The following MAPKAP1 variants were observed in gnomAD, a reference collection of about 807,000 sequenced individuals.
The protein encoded by MAPKAP1 is target of rapamycin complex 2 subunit MAPKAP1.
MAPKAP1 carries 20 observed loss-of-function variants against 65.7 expected under a neutral mutation model. The ratio of observed to expected loss-of-function variants is 0.30; its 90% CI spans 0.21 to 0.44. The LOEUF is 0.44. Among genes scored for constraint, MAPKAP1 ranks in the 20% least tolerant of loss-of-function variants. The pLI is 1.00. For missense variants in MAPKAP1, 423 were observed against 648.0 expected (o/e 0.65, Z 3.77); for synonymous variants, 222 against 244.3 (o/e 0.91, Z 0.85).
chr9:125,563,078 G>A (rs2131513178), intron 5 of MAPKAP1, among the ~76,000 whole-genome samples: 1 of 152,362 alleles, frequency 6.6e-6, no homozygotes, highest in Non-Finnish European at 1.5e-5. Flanking sequence ...AATGGAGGCA[G>A]AGAAAAGAGG....
At chr9:125,642,907 T>C (rs1161015386) in intron 4 of MAPKAP1, among the ~76,000 whole-genome samples, 1 of 152,044 alleles carries the variant, frequency 6.6e-6, no homozygotes, top group African/African-American at 2.4e-5. Flanking sequence ...TATATGCCTT[T>C]TTTTTTTCTT....
intron 1 of MAPKAP1, among the ~76,000 whole-genome samples, chr9:125,706,244 G>A (rs772621039): frequency 2.6e-5 from 4 of 151,982 alleles, no homozygotes; most frequent in East Asian, 3.9e-4. Flanking sequence ...GAATGAGAAC[G>A]CTGCTTTTTT....
Position 125,577,404 on chromosome 9 carries a change from G to A in MAPKAP1, c.671+8151C>T, listed in dbSNP as rs577358567. Reference sequence around the variant, plus strand: ...GAGGGAGGTGGGGGGTCAGCCCCCCGCCTGGCCAGCCTCCCCGTCCGGGAG... The same window carrying A: ...GAGGGAGGTGGGGGGTCAGCCCCCCACCTGGCCAGCCTCCCCGTCCGGGAG... On this transcript the variant is annotated intron_variant, in intron 5 of 11. Transcript: ENST00000265960. Among the ~76,000 whole-genome samples, 90 of 143,840 alleles carry A rather than the reference G, an allele frequency of 6.3e-4. 1 individual carries two copies. Among genetic ancestry groups the A allele is most frequent in the African/African-American group, 2.0e-3 (79 of 38,678 alleles). The allele number at this position is 143,840 out of a possible 152,430, so 94.4% of individuals were successfully genotyped here. A position where few individuals can be genotyped will look rare whatever the true frequency, so the allele number is the denominator to read the frequency against.
Position 125,652,177 on chromosome 9 carries a change from CTT to C in MAPKAP1, c.498+5472_498+5473del, listed in dbSNP as rs773362870. ...TGCTTTTCTGCAAAGTTTTAAGTGA[CTT>C]TCTTTGAAGAGAGCTATTTAATGCC... On this transcript the variant is annotated intron_variant, in intron 4 of 11. Coordinates refer to ENST00000265960, the MANE Select transcript of MAPKAP1 (RefSeq NM_001006617.3). 1.7e-5 allele frequency: 22 copies of C among 1,317,260 alleles called. 2 individuals are homozygous for C. In the Admixed American group the frequency reaches 2.7e-4, roughly 16 times the overall value. The allele number at this position is 1,317,260 out of a possible 1,614,324, so 81.6% of individuals were successfully genotyped here. A position where few individuals can be genotyped will look rare whatever the true frequency, so the allele number is the denominator to read the frequency against.
intron 6 of MAPKAP1, among the ~76,000 whole-genome samples, chr9:125,550,257 C>T (rs748558929): frequency 1.8e-4 from 28 of 152,064 alleles, no homozygotes; most frequent in Non-Finnish European, 3.8e-4. Context: ...ATAAACATTC[C>T]AAGTCACTAG....
intron 5 of MAPKAP1, among the ~76,000 whole-genome samples, chr9:125,561,846 T>C (rs1029066224): frequency 1.3e-5 from 2 of 152,248 alleles, no homozygotes; most frequent in African/African-American, 2.4e-5. Flanking sequence ...GAAAGTCATA[T>C]GGAAACTAAC....
intron 10 of MAPKAP1, among the ~76,000 whole-genome samples, chr9:125,449,867 C>G (rs945763737): frequency 6.6e-6 from 1 of 152,116 alleles, no homozygotes; most frequent in Non-Finnish European, 1.5e-5. Flanking sequence ...AAAAGAGGTG[C>G]TCCCAGACTT....
intron 4 of MAPKAP1, among the ~76,000 whole-genome samples, chr9:125,627,457 TAA>T (rs1382632191): frequency 6.6e-6 from 1 of 152,204 alleles, no homozygotes; most frequent in East Asian, 1.9e-4. Flanking sequence ...AGACCCTCTC[TAA>T]TCTTTCCAGT....
intron 2 of MAPKAP1, among the ~76,000 whole-genome samples, 175 bp downstream of exon 2, chr9:125,672,141 T>C (rs1416142042): frequency 6.6e-6 from 1 of 152,304 alleles, no homozygotes; most frequent in Admixed American, 6.5e-5. Flanking sequence ...GCCCTCTCCA[T>C]TCGCAGTCGC....
Position 125,447,265 on chromosome 9 carries a change from C to A in MAPKAP1, c.1346-2667G>T. On this transcript the variant is annotated intron_variant, in intron 10 of 11. Transcript: ENST00000265960. The surrounding 1 kb of genome is among the most constrained non-coding windows in gnomAD (Gnocchi z 4.5). Reference sequence around the variant, plus strand: ...AGGTGAGGAGGAGGAAGAGTCCCAACATTCCCCCACTCTCCCTCAAGCCTC... The same window carrying A: ...AGGTGAGGAGGAGGAAGAGTCCCAAAATTCCCCCACTCTCCCTCAAGCCTC... 1 of 390,236 alleles carries A rather than the reference C, an allele frequency of 2.6e-6. No homozygotes were observed. The highest frequency in any genetic ancestry group is 1.9e-5 in the South Asian group (1 of 53,154). The allele number at this position is 390,236 out of a possible 1,614,324, so 24.2% of individuals were successfully genotyped here.
At chr9:125,691,312 G>C (rs1465777100) in intron 1 of MAPKAP1, among the ~76,000 whole-genome samples, 1 of 151,984 alleles carries the variant, frequency 6.6e-6, no homozygotes, top group Non-Finnish European at 1.5e-5. Flanking sequence ...CGGTGACTGA[G>C]TGAATGTGAA....
At chr9:125,620,313 G>C (rs1159360494) in intron 4 of MAPKAP1, among the ~76,000 whole-genome samples, 2 of 152,108 alleles carry the variant, frequency 1.3e-5, no homozygotes, top group Non-Finnish European at 2.9e-5. Flanking sequence ...AAATTATACA[G>C]ATTCATTTTT....
Position 125,657,760 on chromosome 9 carries a change from T to C in MAPKAP1, c.389A>G (p.Lys130Arg). ...CTTCCCAGAAATTGGAGGCTTCTCT[T>C]TGAGAGATTTTTTTTCAAACAGTGA... Reference protein sequence around the residue: ...LKSLFEKKSLKEKPPISGKQS... With the variant: ...LKSLFEKKSLREKPPISGKQS... The change falls in exon 4 of 12, where the codon AAA (lysine) becomes AGA (arginine). Residue 130 changes from lysine (K) to arginine (R), a missense_variant. Physicochemically the swap from Lys to Arg is conservative, Grantham distance 26 (BLOSUM62 2). Around this residue, in one of 6 missense-constraint regions of MAPKAP1, gnomAD observed 67 missense variants for 69.6 expected, o/e 0.96. Coordinates refer to ENST00000265960, the MANE Select transcript of MAPKAP1 (RefSeq NM_001006617.3). 2.5e-6 allele frequency: 4 copies of C among 1,613,962 alleles called. No individual in the cohort carries two copies. The highest frequency in any genetic ancestry group is 3.4e-6 in the Non-Finnish European group (4 of 1,179,882).
At chr9:125,553,431 A>G (rs1564555020) in intron 6 of MAPKAP1, among the ~76,000 whole-genome samples, 1 of 151,918 alleles carries the variant, frequency 6.6e-6, no homozygotes, top group Non-Finnish European at 1.5e-5. Context: ...AATCACAGCT[A>G]CTCGGGAGGC....
At chr9:125,556,273 G>A (rs943390722) in intron 6 of MAPKAP1, among the ~76,000 whole-genome samples, 5 of 152,202 alleles carry the variant, frequency 3.3e-5, no homozygotes, top group Non-Finnish European at 5.9e-5. Flanking sequence ...GCATCCAAGC[G>A]ATCTGGCTCA....
chr9:125,473,578 A>C (rs775853643), intron 9 of MAPKAP1, among the ~76,000 whole-genome samples: 1 of 152,214 alleles, frequency 6.6e-6, no homozygotes, highest in Non-Finnish European at 1.5e-5. Flanking sequence ...CTCTCTGGGG[A>C]AACTATTTGT....
At chr9:125,571,130 A>AT (rs1488624971) in intron 5 of MAPKAP1, among the ~76,000 whole-genome samples, 1 of 152,206 alleles carries the variant, frequency 6.6e-6, no homozygotes, top group Non-Finnish European at 1.5e-5. Context: ...TCTTTGGACT[A>AT]TATGTGCATA....
intron 4 of MAPKAP1, among the ~76,000 whole-genome samples, chr9:125,624,144 A>G (rs368334634): frequency 1.6e-4 from 2 of 12,848 alleles, no homozygotes; most frequent in African/African-American, 1.8e-4. Flanking sequence ...CAGCCGCCCC[A>G]TCCGGGAGGG....
intron 5 of MAPKAP1, among the ~76,000 whole-genome samples, chr9:125,571,425 G>C (rs757477612): frequency 5.3e-5 from 8 of 152,206 alleles, no homozygotes; most frequent in Non-Finnish European, 1.0e-4. Flanking sequence ...TTTGGAAATT[G>C]TAAGATTAGA....
Sources: gnomAD v4.1 joint callset for allele counts (sites outside exome capture counted in the v4.1 genomes callset) on GRCh38, gnomAD v4.1.1 for gene constraint, gnomAD v4.1.1 regional missense constraint, Gnocchi (gnomAD v3.1) non-coding constraint, MANE v1.5 for transcripts, NCBI Gene and HGNC (gene_info 2026-07-23, HGNC 2026-07-21) for gene names.